Variants in AUTS2 observed in about 807,000 individuals in gnomAD.
AUTS2 encodes autism susceptibility gene 2 protein.
Under a neutral mutation model 112.4 loss-of-function variants are expected in AUTS2, and 17 were observed. The ratio of observed to expected loss-of-function variants is 0.15; its 90% CI spans 0.10 to 0.23. The LOEUF (loss-of-function observed/expected upper bound fraction) is 0.23, where lower values mean the gene tolerates loss of function less well. AUTS2 is among the 10% of genes least tolerant of loss of function. The pLI is 1.00. For synonymous variants in AUTS2, 751 were observed against 702.7 expected (o/e 1.07, Z -1.09); for missense variants, 1,510 against 1,701.6 (o/e 0.89, Z 1.98).
At chr7:70,649,646 A>T (rs1239294692) in intron 5 of AUTS2, among the ~76,000 whole-genome samples, 18 of 151,970 alleles carry the variant, frequency 1.2e-4, no homozygotes, top group Non-Finnish European at 1.5e-5. Flanking sequence ...TTCTTGCCTC[A>T]GCCTCCCAAG....
intron 3 of AUTS2, among the ~76,000 whole-genome samples, chr7:70,133,743 A>C (rs1447839348): frequency 6.6e-6 from 1 of 152,180 alleles, no homozygotes; most frequent in Non-Finnish European, 1.5e-5. Flanking sequence ...TAGGAGAAAA[A>C]AAGAAACAAA....
chr7:70,536,594 T>C (rs1321457509), intron 5 of AUTS2, among the ~76,000 whole-genome samples: 1 of 147,994 alleles, frequency 6.8e-6, no homozygotes, highest in Non-Finnish European at 1.5e-5. Context: ...TTTTTTTTTT[T>C]TTTTCAGTAG....
chr7:70,253,958 T>G (rs955502062), intron 4 of AUTS2, among the ~76,000 whole-genome samples: 2 of 152,176 alleles, frequency 1.3e-5, no homozygotes, highest in African/African-American at 2.4e-5. Context: ...TTGTGAAGAC[T>G]TGAAGCCAAA....
At position 70,763,245 on chromosome 7, in the gene AUTS2, A is replaced by G. The variant is rs781498322; in HGVS notation, c.1118A>G (p.Gln373Arg). The G allele has an allele frequency of 1.2e-6, 2 of 1,614,048 alleles. No homozygotes were observed. Among genetic ancestry groups the G allele is most frequent in the Middle Eastern group, 1.7e-4 (1 of 6,060 alleles). ...CAGTCCCCCACCCAGCTGCTCCATC[A>G]GAACCTCCCACCTGTGCAGGCCCAC... ...RPQSPTQLLH[Q>R]NLPPVQAHPS... Residue 373 changes from glutamine (Q) to arginine (R), a missense_variant, in exon 7 of 19, where the codon CAG becomes CGG. This residue lies in a region of AUTS2 where 535 missense variants were observed against 594.3 expected (regional missense o/e 0.90). Transcript: ENST00000342771.
chr7:70,192,693 CAG>C (rs977373068), intron 4 of AUTS2, among the ~76,000 whole-genome samples: 9 of 152,288 alleles, frequency 5.9e-5, no homozygotes, highest in Non-Finnish European at 8.8e-5. Context: ...CAGTGGAAGA[CAG>C]GGGTTAATCC....
At chr7:69,944,371 G>A (rs1232725446) in intron 2 of AUTS2, among the ~76,000 whole-genome samples, 1 of 152,212 alleles carries the variant, frequency 6.6e-6, no homozygotes, top group Admixed American at 6.5e-5. Context: ...TTTAGATGGA[G>A]ACTGCTGGAG....
At chr7:70,345,218 C>T (rs1441134503) in intron 4 of AUTS2, among the ~76,000 whole-genome samples, 1 of 152,166 alleles carries the variant, frequency 6.6e-6, no homozygotes, top group Admixed American at 6.5e-5. Context: ...GATTGGGTGA[C>T]TACTGGATGG....
chr7:70,449,566 A>C (rs1796447008), intron 5 of AUTS2, among the ~76,000 whole-genome samples: 1 of 152,166 alleles, frequency 6.6e-6, no homozygotes, highest in South Asian at 2.1e-4. Flanking sequence ...AGCAAAACCT[A>C]ATCTTCCTGC....
intron 1 of AUTS2, among the ~76,000 whole-genome samples, chr7:69,806,756 A>G (rs1012644777): frequency 4.9e-4 from 74 of 152,210 alleles, no homozygotes; most frequent in African/African-American, 1.7e-3. Flanking sequence ...AATCCCTAGC[A>G]TTTTCATTCC....
At chr7:70,134,504 T>C (rs1374253555) in intron 3 of AUTS2, 32 bp from the exon 4 acceptor site, 3 of 1,611,610 alleles carry the variant, frequency 1.9e-6, no homozygotes, top group African/African-American at 1.3e-5. Context: ...CCATTGCTGA[T>C]TTTCCACTTT....
intron 2 of AUTS2, among the ~76,000 whole-genome samples, chr7:70,060,487 T>G (rs1424846828): frequency 6.6e-6 from 1 of 152,170 alleles, no homozygotes; most frequent in East Asian, 1.9e-4. Context: ...AAGACTAATC[T>G]AAACCACTGA....
At chr7:70,332,742 G>A (rs2129619661) in intron 4 of AUTS2, among the ~76,000 whole-genome samples, 1 of 152,246 alleles carries the variant, frequency 6.6e-6, no homozygotes, top group Admixed American at 6.5e-5. Flanking sequence ...AAATGGTGTT[G>A]GGAAGACCTG....
chr7:69,614,317 T>TTTCC (rs1227907200), intron 1 of AUTS2, among the ~76,000 whole-genome samples: 12 of 49,880 alleles, frequency 2.4e-4, no homozygotes, highest in Non-Finnish European at 1.8e-4. Flanking sequence ...TCTCCGTCTC[T>TTTCC]TTCTTTCTTT....
intron 4 of AUTS2, among the ~76,000 whole-genome samples, chr7:70,268,073 A>G (rs73171763): frequency 0.027 from 4,138 of 152,314 alleles, 73 homozygotes; most frequent in Middle Eastern, 0.054. Context: ...AGAGGCATCT[A>G]TTGCTGGGAA....
At chr7:70,312,024 G>A (rs557072203) in intron 4 of AUTS2, among the ~76,000 whole-genome samples, 7 of 151,936 alleles carry the variant, frequency 4.6e-5, no homozygotes, top group Non-Finnish European at 8.8e-5. Flanking sequence ...ACACTTGGCC[G>A]ATTTTTGTAT....
chr7:70,086,436 G>A (rs1325759373), intron 2 of AUTS2, among the ~76,000 whole-genome samples: 1 of 152,096 alleles, frequency 6.6e-6, no homozygotes, highest in Non-Finnish European at 1.5e-5. Flanking sequence ...GAGGTCAGGA[G>A]TTCAAGACCA....
chr7:70,440,811 C>T (rs1266650075), intron 5 of AUTS2, among the ~76,000 whole-genome samples: 2 of 152,210 alleles, frequency 1.3e-5, no homozygotes, highest in Non-Finnish European at 2.9e-5. Context: ...GCTCTTGTCC[C>T]TTCAGCAACT....
intron 2 of AUTS2, among the ~76,000 whole-genome samples, chr7:69,914,392 C>CACACACACAA (rs1554403942): frequency 1.3e-5 from 2 of 150,760 alleles, no homozygotes; most frequent in African/African-American, 4.9e-5. Context: ...CACACACACA[C>CACACACACAA]ACAAACAATC....
In AUTS2 at chr7:70,789,934, C is replaced by G. The variant is rs745729494; in HGVS notation, c.2718C>G (p.Ala906=). The change falls in exon 19 of 19, where the codon GCC becomes GCG. Residue 906 remains alanine (A), a synonymous_variant. Coordinates refer to ENST00000342771, the MANE Select transcript of AUTS2 (RefSeq NM_015570.4). ...DHSESRKDLA[A]DEHKAKEGHL... ...CGGAATCCCGCAAGGACCTGGCCGC[C>G]GACGAGCACAAGGCGAAAGAGGGCC... 1 of 1,613,966 alleles carries G rather than the reference C, an allele frequency of 6.2e-7. No homozygotes were observed. Among genetic ancestry groups the G allele is most frequent in the Non-Finnish European group, 8.5e-7 (1 of 1,180,002 alleles).
Sources: allele counts gnomAD v4.1 joint callset (sites outside exome capture counted in the v4.1 genomes callset), GRCh38; gene constraint gnomAD v4.1.1; regional missense constraint gnomAD v4.1.1; transcripts MANE v1.5; gene names NCBI Gene and HGNC (gene_info 2026-07-23, HGNC 2026-07-21).